The following NLRP1 variants were observed in gnomAD, a reference collection of about 807,000 sequenced individuals.
NLRP1 encodes the protein NACHT, LRR and PYD domains-containing protein 1.
Under a neutral mutation model 136.7 loss-of-function variants are expected in NLRP1, and 94 were observed. That is an observed-to-expected ratio of 0.69 (90% CI 0.58 to 0.82). The LOEUF (loss-of-function observed/expected upper bound fraction) is 0.82, where lower values mean the gene tolerates loss of function less well. Among genes scored for constraint, NLRP1 ranks in the 40% least tolerant of loss-of-function variants. The pLI is 0.00. For missense variants in NLRP1, 1,575 were observed against 1,802.7 expected (o/e 0.87, Z 2.29); for synonymous variants, 690 against 725.1 (o/e 0.95, Z 0.78).
chr17:5,582,598 T>C, intron 2 of NLRP1, 72 bp downstream of exon 2: 2 of 1,444,774 alleles, frequency 1.4e-6, no homozygotes, highest in Non-Finnish European at 1.9e-6. Flanking sequence ...ACAGACATGA[T>C]CCTCTGGGTG....
chr17:5,557,665 T>C (rs545778795), intron 4 of NLRP1, among the ~76,000 whole-genome samples: 1 of 152,244 alleles, frequency 6.6e-6, no homozygotes, highest in East Asian at 1.9e-4. Context: ...ACCAATAGCA[T>C]GTGATCGATA....
chr17:5,530,170 C>T (rs1910060538), intron 12 of NLRP1: 1 of 481,748 alleles, frequency 2.1e-6, no homozygotes, highest in Non-Finnish European at 4.0e-6. Context: ...AAAGCTTCTT[C>T]AAAAATCTCA....
intron 10 of NLRP1, 61 bp from the exon 11 acceptor site, chr17:5,533,045 T>C (rs1162892944): frequency 2.2e-5 from 34 of 1,527,552 alleles, no homozygotes. Context: ...CTAGCCCCTA[T>C]GGCTGCACTG....
chr17:5,577,616 A>G (rs1173080287), intron 3 of NLRP1, among the ~76,000 whole-genome samples: 1 of 152,240 alleles, frequency 6.6e-6, no homozygotes, highest in Non-Finnish European at 1.5e-5. Context: ...AAGAGGACAC[A>G]AACAAATGGA....
chr17:5,514,832 C>T lies in NLRP1; in HGVS notation c.4344G>A (p.Leu1448=). 6.2e-7 allele frequency: 1 copy of T among 1,614,132 alleles called. No individual in the cohort carries two copies. The highest frequency in any genetic ancestry group is 8.5e-7 in the Non-Finnish European group (1 of 1,180,022). The change falls in exon 17 of 17, where the codon CTG becomes CTA. Residue 1448 remains leucine, a synonymous_variant. Coordinates refer to ENST00000572272, the MANE Select transcript of NLRP1 (RefSeq NM_033004.4). ...RKCKDGLYQA[L]KETHPHLIME... ...TAATGAGGTGAGGATGGGTCTCCTT[C>T]AGGGCTTGGTAGAGTCCATCTTTGC...
chr17:5,550,428 C>T (rs995328360), intron 5 of NLRP1, among the ~76,000 whole-genome samples: 5 of 151,992 alleles, frequency 3.3e-5, no homozygotes, highest in Non-Finnish European at 5.9e-5. Context: ...TTTAGGTATT[C>T]GTGTCTTTCT....
At chr17:5,578,103 AT>A (rs1435715955) in intron 3 of NLRP1, among the ~76,000 whole-genome samples, 1 of 152,254 alleles carries the variant, frequency 6.6e-6, no homozygotes, top group African/African-American at 2.4e-5. Flanking sequence ...TTATACAAAA[AT>A]TAATTCAAGA....
intron 5 of NLRP1, among the ~76,000 whole-genome samples, chr17:5,549,566 C>G (rs971736253): frequency 1.3e-5 from 2 of 152,220 alleles, no homozygotes; most frequent in African/African-American, 4.8e-5. Flanking sequence ...AGGGCATGAG[C>G]CACCACACCT....
intron 5 of NLRP1, among the ~76,000 whole-genome samples, chr17:5,548,621 C>T (rs1675566995): frequency 6.6e-6 from 1 of 152,108 alleles, no homozygotes; most frequent in African/African-American, 2.4e-5. Flanking sequence ...CATTTTTTAC[C>T]TCCTTCTCCC....
chr17:5,574,522 G>T (rs1313544069), intron 3 of NLRP1, among the ~76,000 whole-genome samples: 1 of 152,092 alleles, frequency 6.6e-6, no homozygotes, highest in Non-Finnish European at 1.5e-5. Context: ...CACCAAAGCT[G>T]AAATGAAGGA....
chr17:5,582,133 C>G (rs545942165), intron 2 of NLRP1, 71 bp from the exon 3 acceptor site: 1 of 1,244,388 alleles, frequency 8.0e-7, no homozygotes, highest in Non-Finnish European at 1.1e-6. Context: ...ATATTTTAAA[C>G]TCTCACAACA....
Position 5,514,824 on chromosome 17 carries a change from G to T in NLRP1, c.4352C>A (p.Thr1451Asn), listed in dbSNP as rs769452970. The T allele has an allele frequency of 1.2e-6, 2 of 1,613,994 alleles. No homozygotes were observed. Among genetic ancestry groups the T allele is most frequent in the Admixed American group, 3.3e-5 (2 of 60,004 alleles). ...KDGLYQALKE[T>N]HPHLIMELWE... ...GAGTTCCATAATGAGGTGAGGATGG[G>T]TCTCCTTCAGGGCTTGGTAGAGTCC... Residue 1451 changes from threonine to asparagine, a missense_variant, in exon 17 of 17, where the codon ACC becomes AAC. Transcript: ENST00000572272.
intron 8 of NLRP1, among the ~76,000 whole-genome samples, chr17:5,536,511 C>T (rs548030284): frequency 2.1e-5 from 3 of 142,312 alleles, no homozygotes; most frequent in East Asian, 2.2e-4. Context: ...AGTGCAGTAG[C>T]GCGATCTTGG....
At chr17:5,510,680 A>C (rs1473054394), downstream of NLRP1, among the ~76,000 whole-genome samples, 2 of 151,766 alleles carry the variant, frequency 1.3e-5, no homozygotes, top group African/African-American at 4.8e-5. Context: ...AAAATGAAAA[A>C]AAATTTTTTT....
chr17:5,530,530 C>A lies in NLRP1; in HGVS notation c.3471G>T (p.Glu1157Asp). The A allele has an allele frequency of 6.2e-7, 1 of 1,614,232 alleles. No individual in the cohort carries two copies. Among genetic ancestry groups the A allele is most frequent in the East Asian group, 2.2e-5 (1 of 44,892 alleles). ...GGTGCACAGCTTCCACAGCTCCAGG[C>A]TCAGCCTTGATGTCCAGCAGAGGCC... Reference protein sequence around the residue: ...VAGPLLDIKAEPGAVEAVHLP... With the variant: ...VAGPLLDIKADPGAVEAVHLP... The change falls in exon 12 of 17, where the codon GAG (glutamate) becomes GAT (aspartate). Residue 1157 changes from glutamate to aspartate, a missense_variant. Transcript: ENST00000572272.
In NLRP1 at chr17:5,542,031, TG is replaced by T. The variant is rs1166599462; in HGVS notation, c.2529-5del. The T allele has an allele frequency of 3.7e-6, 6 of 1,612,198 alleles. No individual in the cohort carries two copies. The highest frequency in any genetic ancestry group is 3.3e-5 in the Admixed American group (2 of 59,818). On this transcript the variant is annotated splice_region_variant and splice_polypyrimidine_tract_variant and intron_variant, in intron 5 of 16. Coordinates refer to ENST00000572272, the MANE Select transcript of NLRP1 (RefSeq NM_033004.4). ...TGTGAGGCCACAGCCAGCCAACCTG[TG>T]GAAGACACACACCCATGGTCTTCAG...
At position 5,574,329 on chromosome 17, in the gene NLRP1, G is replaced by C. The variant is rs1411052952; in HGVS notation, c.652+7530C>G. ...ATGTGAAAAGACCAAATCTACATCTGATTGGTGTACCTGAAAGTGACGGGG... is the reference window on the plus strand; with the variant it reads ...ATGTGAAAAGACCAAATCTACATCTCATTGGTGTACCTGAAAGTGACGGGG... On this transcript the variant is annotated intron_variant, in intron 3 of 16. Transcript: ENST00000572272. 2.0e-5 allele frequency among the ~76,000 whole-genome samples: 3 copies of C among 152,206 alleles called. 1 individual carries two copies. The highest frequency in any genetic ancestry group is 1.3e-4 in the Admixed American group (2 of 15,278).
chr17:5,533,977 A>G lies in NLRP1; in HGVS notation c.2972T>C (p.Val991Ala). ...LLIFSRRKPSVMTPTEGLDTG... is the reference protein window; with the variant it reads ...LLIFSRRKPSAMTPTEGLDTG... ...ATCCAGGCCCTCAGTAGGGGTCATCACACTTGGTTTCCTGGACAAAGAATT... is the reference window on the plus strand; with the variant it reads ...ATCCAGGCCCTCAGTAGGGGTCATCGCACTTGGTTTCCTGGACAAAGAATT... Residue 991 changes from valine (V) to alanine (A), a missense_variant, in exon 9 of 17, where the codon GTG becomes GCG. Physicochemically the swap from Val to Ala is moderately conservative, Grantham distance 64 (BLOSUM62 0). Coordinates refer to ENST00000572272, the MANE Select transcript of NLRP1 (RefSeq NM_033004.4). The G allele has an allele frequency of 6.2e-7, 1 of 1,610,190 alleles. No homozygotes were observed. Among genetic ancestry groups the G allele is most frequent in the Non-Finnish European group, 8.5e-7 (1 of 1,176,476 alleles).
intron 8 of NLRP1, among the ~76,000 whole-genome samples, chr17:5,534,434 G>A (rs1910756593): frequency 6.6e-6 from 1 of 152,126 alleles, no homozygotes; most frequent in East Asian, 1.9e-4. Context: ...TTCTTCTGTG[G>A]TCCCTGTCTC....
Sources: gnomAD v4.1 joint callset for allele counts (sites outside exome capture counted in the v4.1 genomes callset) on GRCh38, gnomAD v4.1.1 for gene constraint, MANE v1.5 for transcripts, NCBI Gene and HGNC (gene_info 2026-07-23, HGNC 2026-07-21) for gene names.